The following OCA2 variants were observed in gnomAD, a reference collection of about 807,000 sequenced individuals.
OCA2 encodes the protein OCA2 melanosomal transmembrane protein.
A neutral mutation model predicts 100.2 loss-of-function variants in OCA2; 77 were observed. The ratio of observed to expected loss-of-function variants is 0.77; its 90% confidence interval spans 0.64 to 0.93. The LOEUF is 0.93. Among genes scored for constraint, OCA2 ranks in the 40% least tolerant of loss-of-function variants. OCA2 has a pLI of 0.00. For synonymous variants in OCA2, 432 were observed against 439.2 expected, an observed-to-expected ratio of 0.98 and a Z score of 0.21; for missense variants, 1,062 against 1,089.1, an observed-to-expected ratio of 0.98 and a Z score of 0.35.
At chr15:27,804,953 G>C (rs1224973114) in intron 23 of OCA2, among the ~76,000 whole-genome samples, 1 of 152,262 alleles carries the variant, frequency 6.6e-6, no homozygotes, top group African/African-American at 2.4e-5. Context: ...CACTATGGCA[G>C]ACCCCCGCTG....
At chr15:27,827,629 G>C (rs1356154121) in intron 23 of OCA2, among the ~76,000 whole-genome samples, 2 of 151,762 alleles carry the variant, frequency 1.3e-5, no homozygotes, top group Non-Finnish European at 2.9e-5. Context: ...TGCCTGAAAT[G>C]TCCAGCTTAC....
At chr15:27,870,814 G>GAAAGAA (rs1567042694) in intron 21 of OCA2, among the ~76,000 whole-genome samples, 2 of 137,858 alleles carry the variant, frequency 1.5e-5, no homozygotes, top group African/African-American at 6.4e-5. Flanking sequence ...GAAAGAAAGA[G>GAAAGAA]AGAGAGAAAG....
chr15:27,897,238 C>G (rs982833258), intron 19 of OCA2, among the ~76,000 whole-genome samples: 1 of 152,086 alleles, frequency 6.6e-6, no homozygotes, highest in Non-Finnish European at 1.5e-5. Context: ...CATCACAGGC[C>G]CAGAGGCCTA....
chr15:28,000,659 C>A (rs1412285667), intron 9 of OCA2, among the ~76,000 whole-genome samples: 1 of 152,070 alleles, frequency 6.6e-6, no homozygotes, highest in Admixed American at 6.6e-5. Context: ...AGGAAACAAA[C>A]AACAAAATGA....
At chr15:28,088,072 A>C (rs964995324) in intron 1 of OCA2, among the ~76,000 whole-genome samples, 2 of 152,198 alleles carry the variant, frequency 1.3e-5, no homozygotes, top group Non-Finnish European at 2.9e-5. Flanking sequence ...CAAAGGAAAA[A>C]AAAAAAGGTA....
At chr15:27,903,613 G>C (rs2038052923) in intron 19 of OCA2, among the ~76,000 whole-genome samples, 1 of 152,184 alleles carries the variant, frequency 6.6e-6, no homozygotes, top group African/African-American at 2.4e-5. Flanking sequence ...CTCGCCCCCT[G>C]CTTCCTGCCC....
intron 23 of OCA2, among the ~76,000 whole-genome samples, chr15:27,831,921 T>C (rs532886022): frequency 1.7e-4 from 26 of 152,228 alleles, no homozygotes; most frequent in Admixed American, 1.0e-3. Flanking sequence ...TCCCCATAGA[T>C]AGCACCCAGG....
chr15:27,726,878 G>C, the OCA2 span, among the ~76,000 whole-genome samples: 1 of 152,248 alleles, frequency 6.6e-6, no homozygotes, highest in Non-Finnish European at 1.5e-5. Flanking sequence ...TCCATTACAT[G>C]CAGGGGAACC....
intron 1 of OCA2, among the ~76,000 whole-genome samples, chr15:28,088,222 C>T (rs2044812041): frequency 6.6e-6 from 1 of 152,030 alleles, no homozygotes; most frequent in South Asian, 2.1e-4. Context: ...ATATGTTTTC[C>T]CTCTCCTCTT....
At chr15:27,967,397 A>T (rs1356502553) in intron 14 of OCA2, among the ~76,000 whole-genome samples, 3 of 152,246 alleles carry the variant, frequency 2.0e-5, no homozygotes, top group Non-Finnish European at 4.4e-5. Context: ...CCATCATAGG[A>T]AGAAACAAAA....
intron 2 of OCA2, among the ~76,000 whole-genome samples, chr15:28,064,950 T>C (rs2043981272): frequency 1.3e-5 from 2 of 152,032 alleles, no homozygotes; most frequent in African/African-American, 4.8e-5. Flanking sequence ...TAGCAGTCCG[T>C]TGGTTTAGGT....
At chr15:28,029,514 C>T (rs2042852901) in intron 3 of OCA2, among the ~76,000 whole-genome samples, 1 of 151,850 alleles carries the variant, frequency 6.6e-6, no homozygotes, top group Non-Finnish European at 1.5e-5. Context: ...TAGAAATGTT[C>T]GCTTCCCTGT....
intron 18 of OCA2, among the ~76,000 whole-genome samples, chr15:27,943,743 T>G (rs889643994): frequency 6.6e-6 from 1 of 152,006 alleles, no homozygotes; most frequent in African/African-American, 2.4e-5. Context: ...TTCTATTGAT[T>G]CTGGGACTTT....
chr15:28,079,841 C>T (rs543405594), intron 2 of OCA2, among the ~76,000 whole-genome samples: 1 of 152,256 alleles, frequency 6.6e-6, no homozygotes, highest in Non-Finnish European at 1.5e-5. Flanking sequence ...CAGCTCCTGC[C>T]CCCATGTGCC....
intron 19 of OCA2, among the ~76,000 whole-genome samples, chr15:27,886,928 A>C (rs1178484371): frequency 6.6e-6 from 1 of 152,168 alleles, no homozygotes; most frequent in African/African-American, 2.4e-5. Context: ...CCCAAATCTC[A>C]TCTGGTAGCT....
chr15:28,024,817 G>A, intron 5 of OCA2, 28 bp downstream of exon 5: 1 of 1,612,770 alleles, frequency 6.2e-7, no homozygotes, highest in Non-Finnish European at 8.5e-7. Context: ...GGACCCAACA[G>A]TAGTGCTGGG....
chr15:27,837,976 G>A (rs1305360061), intron 23 of OCA2, among the ~76,000 whole-genome samples: 1 of 151,978 alleles, frequency 6.6e-6, no homozygotes, highest in Non-Finnish European at 1.5e-5. Flanking sequence ...AGGAACCCTG[G>A]AACTGACTCC....
chr15:27,807,892 G>A (rs1346456685), intron 23 of OCA2, among the ~76,000 whole-genome samples: 1 of 152,194 alleles, frequency 6.6e-6, no homozygotes. Context: ...TCCACAGGAG[G>A]CTGAACCGTC....
intron 9 of OCA2, among the ~76,000 whole-genome samples, chr15:28,014,033 C>A (rs1245451870): frequency 6.6e-6 from 1 of 152,138 alleles, no homozygotes; most frequent in Non-Finnish European, 1.5e-5. Flanking sequence ...ACTCCTCCAG[C>A]CTGCCATCTC....
Sources: allele counts gnomAD v4.1 joint callset (sites outside exome capture counted in the v4.1 genomes callset), GRCh38; gene constraint gnomAD v4.1.1; transcripts MANE v1.5; gene names NCBI Gene and HGNC (gene_info 2026-07-23, HGNC 2026-07-21).